Variants in PDHX observed in about 807,000 individuals in gnomAD.
PDHX encodes pyruvate dehydrogenase complex component X.
A neutral mutation model predicts 55.3 loss-of-function variants in PDHX; 33 were observed. That is an observed-to-expected ratio of 0.60 (90% CI 0.45 to 0.80). The LOEUF is 0.80. PDHX is among the 30% of genes least tolerant of loss of function. The probability of loss-of-function intolerance (pLI) is 0.00; values close to 1 mark genes in which losing one functional copy is unlikely to be tolerated. For synonymous variants in PDHX, 226 were observed against 219.4 expected (o/e 1.03, Z -0.27); for missense variants, 622 against 619.9 (o/e 1.00, Z -0.04).
At chr11:34,916,374 G>T, upstream of PDHX, 1 of 1,562,634 alleles carries the variant, frequency 6.4e-7, no homozygotes, top group Non-Finnish European at 8.7e-7. Flanking sequence ...GGCCGCAAAT[G>T]CAATCAGGCG....
At chr11:34,929,617 A>T (rs1854106615) in intron 1 of PDHX, among the ~76,000 whole-genome samples, 1 of 152,266 alleles carries the variant, frequency 6.6e-6, no homozygotes, top group Non-Finnish European at 1.5e-5. Flanking sequence ...TTCTGAGTGA[A>T]TATAAGCTAT....
At chr11:34,957,607 A>T in intron 4 of PDHX, 24 bp downstream of exon 4, 3 of 1,577,050 alleles carry the variant, frequency 1.9e-6, no homozygotes, top group South Asian at 1.1e-5. Flanking sequence ...TATTCAAAGG[A>T]TGATGTAAAA....
intron 2 of PDHX, among the ~76,000 whole-genome samples, chr11:34,933,264 TTC>T: frequency 6.6e-6 from 1 of 152,310 alleles, no homozygotes; most frequent in Non-Finnish European, 1.5e-5. Context: ...CTCTCTCTTT[TTC>T]TCTCTCTCAA....
intron 3 of PDHX, among the ~76,000 whole-genome samples, chr11:34,951,478 GCTGCATAAATGT>G (rs1223982230): frequency 1.3e-5 from 2 of 152,058 alleles, no homozygotes; most frequent in African/African-American, 4.8e-5. Context: ...GTGTCTTTTG[GCTGCATAAATGT>G]CTTCTTTTGA....
chr11:34,926,719 A>G (rs1042359592), intron 1 of PDHX, among the ~76,000 whole-genome samples: 1 of 151,282 alleles, frequency 6.6e-6, no homozygotes, highest in South Asian at 2.1e-4. Flanking sequence ...TCAATCATCA[A>G]TTTAAAGCTT....
At chr11:34,966,478 G>C (rs987437679) in intron 5 of PDHX, among the ~76,000 whole-genome samples, 162 bp from the exon 6 acceptor site, 1 of 152,196 alleles carries the variant, frequency 6.6e-6, no homozygotes, top group Non-Finnish European at 1.5e-5. Flanking sequence ...GACCAGGTAA[G>C]AGACAGGATT....
chr11:34,939,504 T>TGTGTGTGTGTGTGTGTGTGC (rs1491574898), intron 2 of PDHX, among the ~76,000 whole-genome samples: 2 of 148,406 alleles, frequency 1.3e-5, no homozygotes, highest in African/African-American at 5.1e-5. Flanking sequence ...TGTGTGTGTG[T>TGTGTGTGTGTGTGTGTGTGC]GCACTTGCAT....
chr11:34,968,131 AT>A (rs879704848), intron 6 of PDHX, among the ~76,000 whole-genome samples: 6 of 151,850 alleles, frequency 4.0e-5, no homozygotes, highest in Non-Finnish European at 5.9e-5. Context: ...AATCAGCTGG[AT>A]GTGGTAGTGT....
chr11:34,942,756 C>T (rs1433304650), intron 2 of PDHX, among the ~76,000 whole-genome samples: 1 of 152,058 alleles, frequency 6.6e-6, no homozygotes, highest in African/African-American at 2.4e-5. Flanking sequence ...TTTAAAACTT[C>T]CCTGTGATTT....
chr11:34,974,000 T>C (rs1855311726), intron 7 of PDHX, among the ~76,000 whole-genome samples: 1 of 152,242 alleles, frequency 6.6e-6, no homozygotes, highest in Admixed American at 6.5e-5. Context: ...ATTGTTCCTT[T>C]TTAAAACAAT....
intron 3 of PDHX, among the ~76,000 whole-genome samples, chr11:34,952,552 A>G (rs1854799816): frequency 6.6e-6 from 1 of 150,922 alleles, no homozygotes; most frequent in Non-Finnish European, 1.5e-5. Context: ...AAATCAATAA[A>G]TGTAATCCAA....
At chr11:34,941,679 C>G (rs923043266) in intron 2 of PDHX, among the ~76,000 whole-genome samples, 3 of 152,202 alleles carry the variant, frequency 2.0e-5, no homozygotes, top group African/African-American at 7.2e-5. Context: ...GTGAAAGCCT[C>G]AGGACTTATT....
chr11:34,958,924 A>C (rs1015390493), intron 4 of PDHX, among the ~76,000 whole-genome samples: 1 of 152,138 alleles, frequency 6.6e-6, no homozygotes, highest in Non-Finnish European at 1.5e-5. Flanking sequence ...AATCCTATAT[A>C]AAAATCTAAA....
At chr11:34,952,079 C>G (rs534308110) in intron 3 of PDHX, among the ~76,000 whole-genome samples, 41 of 152,280 alleles carry the variant, frequency 2.7e-4, no homozygotes, top group Admixed American at 2.4e-3. Flanking sequence ...CACAAATAAA[C>G]TAGAAAATCT....
intron 8 of PDHX, 151 bp downstream of exon 8, chr11:34,978,333 A>C: frequency 1.6e-6 from 1 of 620,734 alleles, no homozygotes; most frequent in Non-Finnish European, 2.9e-6. Flanking sequence ...CCCTCATTTT[A>C]CAAATGAAGA....
In PDHX at chr11:34,916,704, C is replaced by T. The variant is rs182569882; in HGVS notation, c.49C>T (p.Leu17Phe). 2.5e-6 allele frequency: 4 copies of T among 1,613,070 alleles called. No individual in the cohort carries two copies. The highest frequency in any genetic ancestry group is 2.2e-5 in the East Asian group (1 of 44,866). Residue 17 changes from leucine (L) to phenylalanine (F), a missense_variant, in exon 1 of 11, where the codon CTT becomes TTT. By Grantham distance (22) the Leu-to-Phe change is conservative. Transcript: ENST00000227868. The part of the protein sequence containing the change: ...LGCDPRLLRY[L>F]VGFPGRRSVG... ...CTGTGATCCGCGGCTGCTGCGTTAT[C>T]TTGTGGGCTTCCCCGGCCGCCGAAG...
chr11:34,950,213 T>C (rs891518604), intron 3 of PDHX, among the ~76,000 whole-genome samples: 11 of 152,094 alleles, frequency 7.2e-5, no homozygotes, highest in Non-Finnish European at 1.5e-4. Flanking sequence ...TGGTTGAAAT[T>C]TGAAGTTGTA....
At chr11:34,955,277 T>G (rs1854879612) in intron 3 of PDHX, among the ~76,000 whole-genome samples, 1 of 152,096 alleles carries the variant, frequency 6.6e-6, no homozygotes, top group Non-Finnish European at 1.5e-5. Context: ...GCAAAGAGTA[T>G]TATTTACGTA....
intron 9 of PDHX, among the ~76,000 whole-genome samples, chr11:34,990,786 G>A (rs1274108194): frequency 6.6e-6 from 1 of 152,030 alleles, no homozygotes; most frequent in Non-Finnish European, 1.5e-5. Context: ...GTTTCTGTTG[G>A]CAGTACGTTA....
Sources: allele counts gnomAD v4.1 joint callset (sites outside exome capture counted in the v4.1 genomes callset), GRCh38; gene constraint gnomAD v4.1.1; transcripts MANE v1.5; gene names NCBI Gene and HGNC (gene_info 2026-07-23, HGNC 2026-07-21).